CCDC149: variants seen among roughly 807,000 people sequenced by gnomAD.
The protein encoded by CCDC149 is coiled-coil domain-containing protein 149.
A neutral mutation model predicts 59.9 loss-of-function variants in CCDC149; 45 were observed. That is an observed-to-expected ratio of 0.75 (90% CI 0.59 to 0.96). The LOEUF is 0.96. Among genes scored for constraint, CCDC149 ranks in the 40% least tolerant of loss-of-function variants. CCDC149 has a pLI of 0.00. For missense variants in CCDC149, 584 were observed against 664.7 expected, an observed-to-expected ratio of 0.88 and a Z score of 1.33; for synonymous variants, 245 against 260.6, an observed-to-expected ratio of 0.94 and a Z score of 0.58.
At chr4:24,835,101 G>T in intron 7 of CCDC149, 69 bp from the exon 8 acceptor site, 1 of 1,064,964 alleles carries the variant, frequency 9.4e-7, no homozygotes, top group Non-Finnish European at 1.4e-6. Context: ...CCTAGCAGAT[G>T]CCTTCTCTCA....
At chr4:24,945,535 T>C (rs1723082795) in intron 1 of CCDC149, among the ~76,000 whole-genome samples, 1 of 152,146 alleles carries the variant, frequency 6.6e-6, no homozygotes, top group South Asian at 2.1e-4. Context: ...GACACCTTGA[T>C]TTCAGGCGTC....
At chr4:24,907,750 C>T (rs1721619820) in intron 1 of CCDC149, among the ~76,000 whole-genome samples, 1 of 152,168 alleles carries the variant, frequency 6.6e-6, no homozygotes, top group African/African-American at 2.4e-5. Flanking sequence ...AACTGGGGGA[C>T]TTAAAACAAC....
At chr4:24,958,236 G>A (rs1315304215) in intron 1 of CCDC149, among the ~76,000 whole-genome samples, 1 of 152,200 alleles carries the variant, frequency 6.6e-6, no homozygotes, top group Non-Finnish European at 1.5e-5. Context: ...GTACCTTGAA[G>A]AGTCCAACTA....
intron 3 of CCDC149, among the ~76,000 whole-genome samples, chr4:24,857,552 T>C (rs982055465): frequency 1.4e-4 from 21 of 151,850 alleles, no homozygotes; most frequent in South Asian, 1.3e-3. Flanking sequence ...CCTAGGGATA[T>C]GGAAACTAGA....
chr4:24,876,295 A>G (rs1328073346), intron 2 of CCDC149, among the ~76,000 whole-genome samples: 3 of 10,502 alleles, frequency 2.9e-4, no homozygotes. Flanking sequence ...ACACACGTAC[A>G]CACACACACA....
chr4:24,861,519 C>T (rs894234651), intron 3 of CCDC149, among the ~76,000 whole-genome samples: 3 of 152,100 alleles, frequency 2.0e-5, no homozygotes, highest in Admixed American at 6.5e-5. Flanking sequence ...TAAAAGACTA[C>T]ATATTGGGTA....
At chr4:24,944,267 G>C (rs1457595023) in intron 1 of CCDC149, among the ~76,000 whole-genome samples, 1 of 152,156 alleles carries the variant, frequency 6.6e-6, no homozygotes, top group African/African-American at 2.4e-5. Context: ...GATGAAGCTG[G>C]AAACTATCAT....
chr4:24,813,489 A>AATATATATATATATATATATAT (rs57650226), intron 12 of CCDC149, among the ~76,000 whole-genome samples: 5 of 113,732 alleles, frequency 4.4e-5, no homozygotes, highest in Admixed American at 1.8e-4. Flanking sequence ...CAGCTTGGGG[A>AATATATATATATATATATATAT]ATATATATAT....
intron 1 of CCDC149, among the ~76,000 whole-genome samples, chr4:24,880,260 C>T (rs748148119): frequency 3.3e-5 from 5 of 152,240 alleles, no homozygotes; most frequent in Non-Finnish European, 5.9e-5. Context: ...TAACGTGCTG[C>T]ATACATTTGT....
intron 1 of CCDC149, among the ~76,000 whole-genome samples, chr4:24,950,566 T>C (rs910570008): frequency 1.3e-5 from 2 of 152,090 alleles, no homozygotes; most frequent in African/African-American, 2.4e-5. Context: ...AAGACAAAGA[T>C]TTAAATCTAA....
Position 24,853,076 on chromosome 4 carries a change from T to C in CCDC149, c.368A>G (p.Asn123Ser). 1.2e-6 allele frequency: 2 copies of C among 1,604,374 alleles called. No individual in the cohort carries two copies. Among genetic ancestry groups the C allele is most frequent in the South Asian group, 1.1e-5 (1 of 90,856 alleles). Residue 123 changes from asparagine to serine, a missense_variant, in exon 4 of 13, where the codon AAC becomes AGC. Physicochemically the swap from Asn to Ser is conservative, Grantham distance 46. Transcript: ENST00000635206. ...CCCTGTAAATACTCACAGTACCTTG[T>C]TGTCGCCCTGGACTTCTCCAAGCCT...
chr4:24,958,105 A>T (rs551539994), intron 1 of CCDC149, among the ~76,000 whole-genome samples: 1 of 152,330 alleles, frequency 6.6e-6, no homozygotes, highest in Non-Finnish European at 1.5e-5. Flanking sequence ...TGGCAGATAT[A>T]GAAGCTCTTT....
At chr4:24,878,164 TA>T (rs1238268699) in intron 1 of CCDC149, among the ~76,000 whole-genome samples, 1 of 102,190 alleles carries the variant, frequency 9.8e-6, no homozygotes, top group Non-Finnish European at 1.9e-5. Context: ...CAATTTCAAA[TA>T]AATGAAAGGG....
At chr4:24,867,756 C>T (rs7654213) in intron 3 of CCDC149, among the ~76,000 whole-genome samples, 194 of 152,282 alleles carry the variant, frequency 1.3e-3, no homozygotes, top group African/African-American at 4.1e-3. Flanking sequence ...TCCAGAGAAA[C>T]GGAACTGAAT....
At chr4:24,817,157 C>T (rs983331127) in intron 12 of CCDC149, among the ~76,000 whole-genome samples, 4 of 152,188 alleles carry the variant, frequency 2.6e-5, no homozygotes, top group African/African-American at 9.7e-5. Flanking sequence ...GCTCATGCTC[C>T]GTTTCAGGTT....
chr4:24,929,327 T>A (rs1722520515), intron 1 of CCDC149, among the ~76,000 whole-genome samples: 1 of 152,210 alleles, frequency 6.6e-6, no homozygotes, highest in Non-Finnish European at 1.5e-5. Flanking sequence ...AGGATTCTTC[T>A]CAGAGGCAGA....
In CCDC149 at chr4:24,876,646, G is replaced by C; in HGVS notation, c.115C>G (p.Leu39Val). The change falls in exon 2 of 13, where the codon CTC becomes GTC. Residue 39 changes from leucine (L) to valine (V), a missense_variant. Leu to Val is a conservative substitution (Grantham distance 32). Coordinates refer to ENST00000635206, the MANE Select transcript of CCDC149 (RefSeq NM_001330643.2). ...TGACAGGTGTCCAGCTCCTTGGAGA[G>C]GATCAGCAGGGCTTCCTTCTTACTC... is the stretch of plus-strand genomic sequence containing the variant. 6.2e-7 allele frequency: 1 copy of C among 1,614,046 alleles called. No individual in the cohort carries two copies. The highest frequency in any genetic ancestry group is 8.5e-7 in the Non-Finnish European group (1 of 1,179,972).
intron 3 of CCDC149, among the ~76,000 whole-genome samples, chr4:24,862,643 G>A (rs1718453701): frequency 6.6e-6 from 1 of 152,194 alleles, no homozygotes. Context: ...CCCTGTTGGA[G>A]TTAACATAAC....
At chr4:24,971,560 T>C (rs894717974) in intron 1 of CCDC149, among the ~76,000 whole-genome samples, 2 of 152,242 alleles carry the variant, frequency 1.3e-5, no homozygotes, top group East Asian at 1.9e-4. Flanking sequence ...ATTACCCTGC[T>C]AATGCTGTAC....
Sources: gnomAD v4.1 joint callset for allele counts (sites outside exome capture counted in the v4.1 genomes callset) on GRCh38, gnomAD v4.1.1 for gene constraint, MANE v1.5 for transcripts, NCBI Gene and HGNC (gene_info 2026-07-23, HGNC 2026-07-21) for gene names.